The following ALPI variants were observed in gnomAD, a reference collection of about 807,000 sequenced individuals.
The protein encoded by ALPI is alkaline phosphatase, intestinal, also known as intestinal-type alkaline phosphatase.
Under a neutral mutation model 51.5 loss-of-function variants are expected in ALPI, and 50 were observed. The observed-to-expected ratio is 0.97, with a 90% CI of 0.77 to 1.23. The LOEUF is 1.23. Ranked by LOEUF, ALPI falls within the 50% of genes most tolerant of loss-of-function variation. The probability of loss-of-function intolerance (pLI) is 0.00; values close to 1 mark genes in which losing one functional copy is unlikely to be tolerated. For synonymous variants in ALPI, 322 were observed against 308.2 expected, an observed-to-expected ratio of 1.04 and a Z score of -0.47; for missense variants, 692 against 722.4, an observed-to-expected ratio of 0.96 and a Z score of 0.48.
chr2:232,456,624 C>T lies in ALPI; in HGVS notation c.229C>T (p.Gln77Ter). The T allele has an allele frequency of 6.2e-7, 1 of 1,613,298 alleles. No homozygotes were observed. The change falls in exon 3 of 11, where the codon CAG (glutamine) becomes TAG (stop). Residue 77 changes from glutamine (Q) to a stop codon, truncating the protein, a stop_gained. Coordinates refer to ENST00000295463, the MANE Select transcript of ALPI (RefSeq NM_001631.5). LOFTEE classifies it high-confidence loss of function. The surrounding 1 kb of genome is among the most constrained non-coding windows in gnomAD (Gnocchi z 4.2). ...TVTATRILKGQKNGKLGPETP... is the reference protein window; with the variant it reads ...TVTATRILKG ...GACAGCCACCAGGATCCTAAAGGGG[C>T]AGAAGAATGGCAAACTGGGGCCTGA...
rs558991529 is a variant in ALPI, at chr2:232,456,516, C to T, written c.184+51C>T. On this transcript the variant is annotated intron_variant, in intron 2 of 10. Coordinates refer to ENST00000295463, the MANE Select transcript of ALPI (RefSeq NM_001631.5). The surrounding 1 kb of genome is among the most constrained non-coding windows in gnomAD (Gnocchi z 4.2). ...CCGTAGTCCTCACAGCCCCGGCACC[C>T]GGGACCTTCAGTGGTTCCAGGACAA... 18 of 1,611,400 alleles carry T rather than the reference C, an allele frequency of 1.1e-5. No homozygotes were observed. The East Asian group carries it at 1.6e-4, about 14-fold the overall frequency.
At position 232,457,576 on chromosome 2, in the gene ALPI, C is replaced by T. The variant is rs139371546; in HGVS notation, c.660C>T (p.Gly220=). The T allele has an allele frequency of 1.7e-3, 2,664 of 1,610,292 alleles. 2 individuals carry two copies. The highest frequency in any genetic ancestry group is 3.3e-3 in the Middle Eastern group (20 of 6,040). ...TCCATTGTCCTCAGGTGATCCTTGGCGGAGGCCGCAAGTACATGTTTCCCA... is the reference window on the plus strand; with the variant it reads ...TCCATTGTCCTCAGGTGATCCTTGGTGGAGGCCGCAAGTACATGTTTCCCA... ...ISNMDIDVIL[G]GGRKYMFPMG... The change falls in exon 6 of 11, where the codon GGC becomes GGT. Residue 220 remains glycine, a synonymous_variant. Transcript: ENST00000295463. This position sits in a 1 kb window ranked among gnomAD's most constrained non-coding sequence, Gnocchi z 4.7.
chr2:232,456,919 G>T lies in ALPI; in HGVS notation c.321G>T (p.Gln107His), dbSNP rs760613268. ...CGCAGACATACAATGTGGACAGACA[G>T]GTGCCAGACAGCGCAGCCACAGCCA... is the stretch of plus-strand genomic sequence containing the variant. ...ALSKTYNVDR[Q>H]VPDSAATATA... The change falls in exon 4 of 11, where the codon CAG (glutamine) becomes CAT (histidine). Residue 107 changes from glutamine (Q) to histidine (H), a missense_variant. Gln to His is a conservative substitution (Grantham distance 24). Coordinates refer to ENST00000295463, the MANE Select transcript of ALPI (RefSeq NM_001631.5). This position sits in a 1 kb window ranked among gnomAD's most constrained non-coding sequence, Gnocchi z 4.2. The T allele has an allele frequency of 1.2e-6, 2 of 1,613,562 alleles. No individual in the cohort carries two copies. The highest frequency in any genetic ancestry group is 2.2e-5 in the South Asian group (2 of 91,088).
chr2:232,456,383 G>A lies in ALPI; in HGVS notation c.102G>A (p.Gln34=), dbSNP rs768049873. ...EEENPAFWNR[Q]AAEALDAAKK... The stretch of plus-strand genomic sequence containing the variant: ...AGAACCCGGCCTTCTGGAACCGCCA[G>A]GCAGCTGAGGCCCTGGATGCTGCCA... The change falls in exon 2 of 11, where the codon CAG becomes CAA. Residue 34 remains glutamine (Q), a synonymous_variant. Coordinates refer to ENST00000295463, the MANE Select transcript of ALPI (RefSeq NM_001631.5). The surrounding 1 kb of genome is among the most constrained non-coding windows in gnomAD (Gnocchi z 4.2). 3.1e-6 allele frequency: 5 copies of A among 1,613,914 alleles called. No homozygotes were observed. The highest frequency in any genetic ancestry group is 3.3e-4 in the Middle Eastern group (2 of 6,082).
In ALPI at chr2:232,460,007, A is replaced by G. The variant is rs893230632; in HGVS notation, c.*861A>G. On this transcript the variant is annotated 3_prime_UTR_variant, in exon 11 of 11. Coordinates refer to ENST00000295463, the MANE Select transcript of ALPI (RefSeq NM_001631.5). ...CTCCATTCTCCTAGGAGACAAAGCA[A>G]TAATAAAAGGTGTTAGACAATGTAA... The G allele has an allele frequency of 6.6e-6, 1 of 152,258 alleles. No individual in the cohort carries two copies. Among genetic ancestry groups the G allele is most frequent in the Non-Finnish European group, 1.5e-5 (1 of 68,048 alleles). 9.4% of individuals were successfully genotyped at this position (152,258 alleles called of 1,614,324 possible). A position where few individuals can be genotyped will look rare whatever the true frequency, so the allele number is the denominator to read the frequency against.
chr2:232,457,445 T>C lies in ALPI; in HGVS notation c.649-120T>C. On this transcript the variant is annotated intron_variant, in intron 5 of 10. Transcript: ENST00000295463. This position sits in a 1 kb window ranked among gnomAD's most constrained non-coding sequence, Gnocchi z 4.7. Reference sequence around the variant, plus strand: ...TGGAGGTGGAGTTGGGGATGTAGAATGTGCAATACAGGCTGGGCCATTCCC... The same window carrying C: ...TGGAGGTGGAGTTGGGGATGTAGAACGTGCAATACAGGCTGGGCCATTCCC... 2 of 1,544,650 alleles carry C rather than the reference T, an allele frequency of 1.3e-6. No homozygotes were observed. The highest frequency in any genetic ancestry group is 1.7e-6 in the Non-Finnish European group (2 of 1,146,392).
rs918230426 is a variant in ALPI, at chr2:232,460,167, G to A, written c.*1021G>A. 1 of 150,304 alleles carries A rather than the reference G, an allele frequency of 6.7e-6. No homozygotes were observed. Among genetic ancestry groups the A allele is most frequent in the Non-Finnish European group, 1.5e-5 (1 of 67,778 alleles). The allele number at this position is 150,304 out of a possible 1,614,324, so 9.3% of individuals were successfully genotyped here. A position where few individuals can be genotyped will look rare whatever the true frequency, so the allele number is the denominator to read the frequency against. Reference sequence around the variant, plus strand: ...AGAGACTTGAACAGAGTGGGGGCTTGAGCAAGGCAGCACAGCAGTGCAAAC... The same window carrying A: ...AGAGACTTGAACAGAGTGGGGGCTTAAGCAAGGCAGCACAGCAGTGCAAAC... On this transcript the variant is annotated 3_prime_UTR_variant, in exon 11 of 11. Transcript: ENST00000295463.
chr2:232,459,116 G>C lies in ALPI; in HGVS notation c.1557G>C (p.Leu519=), dbSNP rs1248236116. 1.3e-6 allele frequency: 2 copies of C among 1,535,752 alleles called. No homozygotes were observed. The highest frequency in any genetic ancestry group is 2.7e-5 in the African/African-American group (2 of 72,886). ...AASLPLLAGT[L]LLLGASAAP Reference sequence around the variant, plus strand: ...CGCTGCCACTGCTGGCCGGGACCCTGCTGCTGCTGGGGGCGTCCGCTGCTC... The same window carrying C: ...CGCTGCCACTGCTGGCCGGGACCCTCCTGCTGCTGGGGGCGTCCGCTGCTC... The change falls in exon 11 of 11, where the codon CTG becomes CTC. Residue 519 remains leucine (L), a synonymous_variant. Transcript: ENST00000295463.
At position 232,458,675 on chromosome 2, in the gene ALPI, C is replaced by T; in HGVS notation, c.1227C>T (p.Ser409=). The change falls in exon 10 of 11, where the codon TCC becomes TCT. Residue 409 remains serine (S), a synonymous_variant. Transcript: ENST00000295463. ...SKAQDSKAYT[S]ILYGNGPGYV... The stretch of plus-strand genomic sequence containing the variant: ...CTCAGGACAGCAAAGCCTACACGTC[C>T]ATCCTGTACGGCAATGGCCCGGGCT... 1.2e-6 allele frequency: 2 copies of T among 1,614,012 alleles called. No individual in the cohort carries two copies. The highest frequency in any genetic ancestry group is 8.5e-7 in the Non-Finnish European group (1 of 1,180,030).
Position 232,459,327 on chromosome 2 carries a change from G to T in ALPI, c.*181G>T. The T allele has an allele frequency of 1.2e-6, 1 of 854,894 alleles. No individual in the cohort carries two copies. The highest frequency in any genetic ancestry group is 1.8e-5 in the South Asian group (1 of 54,398). The allele number at this position is 854,894 out of a possible 1,614,324, so 53.0% of individuals were successfully genotyped here. A position where few individuals can be genotyped will look rare whatever the true frequency, so the allele number is the denominator to read the frequency against. On this transcript the variant is annotated 3_prime_UTR_variant, in exon 11 of 11. Transcript: ENST00000295463. ...TTCTTCCCTCCGCATCCCCTTCAGG[G>T]AGCAGGAGCCCAGGGCGCCCTGGGA...
In ALPI at chr2:232,458,858, A is replaced by C. The variant is rs1690251334; in HGVS notation, c.1301-2A>C. On this transcript the variant is annotated splice_acceptor_variant, in intron 10 of 10. Coordinates refer to ENST00000295463, the MANE Select transcript of ALPI (RefSeq NM_001631.5). LOFTEE classifies it high-confidence loss of function. ...CCTGAAGTGCACTCACCCTCCTACC[A>C]GGGAGCCCCGATTACCAGCAGCAGG... 1 of 1,609,954 alleles carries C rather than the reference A, an allele frequency of 6.2e-7. No individual in the cohort carries two copies. The highest frequency in any genetic ancestry group is 1.7e-5 in the Admixed American group (1 of 59,816).
chr2:232,457,539 C>A lies in ALPI; in HGVS notation c.649-26C>A. ...GCACGGGGCCAGCCAGGCCCCCAAA[C>A]CACCTGCCCCATCCATTGTCCTCAG... is the stretch of plus-strand genomic sequence containing the variant. On this transcript the variant is annotated intron_variant, in intron 5 of 10. Transcript: ENST00000295463. This position sits in a 1 kb window ranked among gnomAD's most constrained non-coding sequence, Gnocchi z 4.7. The A allele has an allele frequency of 6.3e-7, 1 of 1,584,354 alleles. No individual in the cohort carries two copies. Among genetic ancestry groups the A allele is most frequent in the Non-Finnish European group, 8.6e-7 (1 of 1,165,318 alleles).
At chr2:232,458,563 G>T in intron 9 of ALPI, 69 bp from the exon 10 acceptor site, 1 of 1,557,898 alleles carries the variant, frequency 6.4e-7, no homozygotes, top group Non-Finnish European at 8.8e-7. Context: ...AAGTGGCGGT[G>T]CCTGGCACAT....
chr2:232,456,923 C>A lies in ALPI; in HGVS notation c.325C>A (p.Pro109Thr). 1 of 1,613,514 alleles carries A rather than the reference C, an allele frequency of 6.2e-7. No homozygotes were observed. Among genetic ancestry groups the A allele is most frequent in the Non-Finnish European group, 8.5e-7 (1 of 1,180,006 alleles). Reference sequence around the variant, plus strand: ...GACATACAATGTGGACAGACAGGTGCCAGACAGCGCAGCCACAGCCACGGC... The same window carrying A: ...GACATACAATGTGGACAGACAGGTGACAGACAGCGCAGCCACAGCCACGGC... ...SKTYNVDRQV[P>T]DSAATATAYL... The change falls in exon 4 of 11, where the codon CCA (proline) becomes ACA (threonine). Residue 109 changes from proline to threonine, a missense_variant. By Grantham distance (38) the Pro-to-Thr change is conservative. Transcript: ENST00000295463. The surrounding 1 kb of genome is among the most constrained non-coding windows in gnomAD (Gnocchi z 4.2).
rs1690289405 is a variant in ALPI at position 232,460,393 on chromosome 2, G to A, written c.*1247G>A. Among the ~76,000 whole-genome samples the A allele has an allele frequency of 1.3e-5, 2 of 151,914 alleles. No homozygotes were observed. The highest frequency in any genetic ancestry group is 1.3e-4 in the Admixed American group (2 of 15,264). ...GCCCTGGTTGGGAAATAAGCACTCT[G>A]GCTGCTGCCAGGAGAAGGGTCTGGT... is the stretch of plus-strand genomic sequence containing the variant. On this transcript the variant is annotated 3_prime_UTR_variant, in exon 11 of 11. Transcript: ENST00000295463.
At position 232,458,391 on chromosome 2, in the gene ALPI, G is replaced by C. The variant is rs760946412; in HGVS notation, c.1166G>C (p.Arg389Pro). 4 of 1,613,316 alleles carry C rather than the reference G, an allele frequency of 2.5e-6. No homozygotes were observed. Among genetic ancestry groups the C allele is most frequent in the South Asian group, 1.1e-5 (1 of 91,032 alleles). The part of the protein sequence containing the change: ...HVFSFGGYTL[R>P]GSSIFGLAPS... Reference sequence around the variant, plus strand: ...TTCTCCTTTGGTGGCTACACCTTGCGAGGGAGCTCCATCTTCGGTAGGCCT... The same window carrying C: ...TTCTCCTTTGGTGGCTACACCTTGCCAGGGAGCTCCATCTTCGGTAGGCCT... Residue 389 changes from arginine to proline, a missense_variant, in exon 9 of 11, where the codon CGA (arginine) becomes CCA (proline). Arg to Pro is a moderately radical substitution (Grantham distance 103, BLOSUM62 -2). Coordinates refer to ENST00000295463, the MANE Select transcript of ALPI (RefSeq NM_001631.5).
rs748909189 is a variant in ALPI at position 232,458,735 on chromosome 2, T to A, written c.1287T>A (p.Asn429Lys). ...VFNSGVRPDV[N>K]ESESGSPDYQ... The stretch of plus-strand genomic sequence containing the variant: ...ACTCAGGCGTGCGACCAGACGTGAA[T>A]GAGAGCGAGAGCGGTGAGTGAGGCT... Residue 429 changes from asparagine (N) to lysine (K), a missense_variant, in exon 10 of 11, where the codon AAT becomes AAA. By Grantham distance (94) the Asn-to-Lys change is moderately conservative (BLOSUM62 0). Transcript: ENST00000295463. 6.2e-6 allele frequency: 10 copies of A among 1,613,558 alleles called. No homozygotes were observed. Among genetic ancestry groups the A allele is most frequent in the Middle Eastern group, 1.6e-4 (1 of 6,084 alleles).
rs1690207131 is a variant in ALPI, at chr2:232,457,078, G to A, written c.475+5G>A. Reference sequence around the variant, plus strand: ...TGAACCGGGCCAAGCAAGCAGGTGAGCTGGGGCCCGCTGTGGGGTCAGGAC... The same window carrying A: ...TGAACCGGGCCAAGCAAGCAGGTGAACTGGGGCCCGCTGTGGGGTCAGGAC... On this transcript the variant is annotated splice_donor_5th_base_variant and intron_variant, in intron 4 of 10. Coordinates refer to ENST00000295463, the MANE Select transcript of ALPI (RefSeq NM_001631.5). This position sits in a 1 kb window ranked among gnomAD's most constrained non-coding sequence, Gnocchi z 4.7. The A allele has an allele frequency of 6.2e-7, 1 of 1,613,442 alleles. No individual in the cohort carries two copies. The highest frequency in any genetic ancestry group is 8.5e-7 in the Non-Finnish European group (1 of 1,179,948).
rs796376734 is a variant in ALPI at position 232,460,276 on chromosome 2, C to T, written c.*1130C>T. The stretch of plus-strand genomic sequence containing the variant: ...GGGTGGGTGGGCAGAGTGGGGAAAG[C>T]CTGAGGGGTCAGGAGAGTGGGGTGT... On this transcript the variant is annotated 3_prime_UTR_variant, in exon 11 of 11. Coordinates refer to ENST00000295463, the MANE Select transcript of ALPI (RefSeq NM_001631.5). 7.9e-5 allele frequency among the ~76,000 whole-genome samples: 12 copies of T among 151,492 alleles called. No homozygotes were observed. The highest frequency in any genetic ancestry group is 2.9e-4 in the African/African-American group (12 of 41,208).
Sources: allele counts gnomAD v4.1 joint callset (sites outside exome capture counted in the v4.1 genomes callset), GRCh38; gene constraint gnomAD v4.1.1; non-coding constraint Gnocchi (gnomAD v3.1); transcripts MANE v1.5; gene names NCBI Gene and HGNC (gene_info 2026-07-23, HGNC 2026-07-21).